Variants in CTNNA3 observed in about 807,000 individuals in gnomAD.
CTNNA3 encodes catenin alpha-3.
Under a neutral mutation model 95.7 loss-of-function variants are expected in CTNNA3, and 76 were observed. The ratio of observed to expected loss-of-function variants is 0.79; its 90% CI spans 0.66 to 0.96. The LOEUF (loss-of-function observed/expected upper bound fraction) is 0.96. Among genes scored for constraint, CTNNA3 ranks in the 40% least tolerant of loss-of-function variants. The pLI is 0.00. For missense variants in CTNNA3, 1,191 were observed against 1,089.8 expected, an observed-to-expected ratio of 1.09 and a Z score of -1.31; for synonymous variants, 431 against 374.4, an observed-to-expected ratio of 1.15 and a Z score of -1.74.
chr10:66,139,801 C>T (rs1204103082), intron 13 of CTNNA3, among the ~76,000 whole-genome samples: 1 of 152,096 alleles, frequency 6.6e-6, no homozygotes, highest in Admixed American at 6.6e-5. Context: ...ACATAGAAAT[C>T]CAGCCTCAGT....
chr10:66,658,751 T>C (rs1846154248), intron 9 of CTNNA3, among the ~76,000 whole-genome samples: 1 of 152,300 alleles, frequency 6.6e-6, no homozygotes, highest in South Asian at 2.1e-4. Context: ...TGGAGTGCAG[T>C]GGCCTGATCT....
intron 12 of CTNNA3, among the ~76,000 whole-genome samples, chr10:66,325,126 C>T (rs1037272415): frequency 1.3e-5 from 2 of 151,826 alleles, no homozygotes; most frequent in Non-Finnish European, 2.9e-5. Context: ...CAAAAGCAAA[C>T]ATTAAAATAA....
chr10:67,345,306 G>A (rs1308908824), intron 5 of CTNNA3, among the ~76,000 whole-genome samples: 1 of 152,064 alleles, frequency 6.6e-6, no homozygotes, highest in Admixed American at 6.6e-5. Context: ...GAAAGAATGT[G>A]TATTCATTGG....
At chr10:67,530,454 G>A (rs1840292627) in intron 4 of CTNNA3, among the ~76,000 whole-genome samples, 1 of 152,220 alleles carries the variant, frequency 6.6e-6, no homozygotes, top group Non-Finnish European at 1.5e-5. Flanking sequence ...TTTTAGCAAA[G>A]AGATTGGTGG....
chr10:66,234,355 C>G (rs537293593), intron 13 of CTNNA3, among the ~76,000 whole-genome samples: 1 of 152,262 alleles, frequency 6.6e-6, no homozygotes, highest in African/African-American at 2.4e-5. Context: ...GACTCCTGTG[C>G]TCCTTAGAGT....
Position 66,927,536 on chromosome 10 carries a change from T to G in CTNNA3, c.1048-152012A>C. The stretch of plus-strand genomic sequence containing the variant: ...AATGTCTTTGCTGGCATGATCAGAC[T>G]CAAAGAACTTCACCTGGAGCACAAT... On this transcript the variant is annotated intron_variant, in intron 7 of 17. Coordinates refer to ENST00000433211, the MANE Select transcript of CTNNA3 (RefSeq NM_013266.4). This position sits in a 1 kb window ranked among gnomAD's most constrained non-coding sequence, Gnocchi z 4.7. The G allele has an allele frequency of 6.2e-7, 1 of 1,614,166 alleles. No homozygotes were observed.
intron 13 of CTNNA3, among the ~76,000 whole-genome samples, chr10:66,223,862 GT>G (rs138734267): frequency 0.12 from 17,508 of 152,006 alleles, 1,077 homozygotes; most frequent in Middle Eastern, 0.18. Flanking sequence ...TCACAATGTG[GT>G]TGGGCATCAT....
At chr10:66,814,126 T>A (rs1378189417) in intron 7 of CTNNA3, among the ~76,000 whole-genome samples, 1 of 151,910 alleles carries the variant, frequency 6.6e-6, no homozygotes, top group East Asian at 1.9e-4. Flanking sequence ...TTGAGGCAAC[T>A]GGATATATGG....
At chr10:66,593,552 G>C (rs1418125881) in intron 10 of CTNNA3, among the ~76,000 whole-genome samples, 3 of 152,002 alleles carry the variant, frequency 2.0e-5, no homozygotes, top group African/African-American at 7.3e-5. Context: ...CTGGTCTGGG[G>C]ACCACACTTT....
chr10:66,688,804 A>T lies in CTNNA3; in HGVS notation c.1282-67020T>A, dbSNP rs543543378. Among the ~76,000 whole-genome samples, 10 of 146,994 alleles carry T rather than the reference A, an allele frequency of 6.8e-5. No homozygotes were observed. The South Asian group carries it at 2.2e-3, about 32-fold the overall frequency. ...GGCTAACGTGGTGAAACCCGTCTCT[A>T]CTAAAAAATACAAAAAAAAATTAGC... On this transcript the variant is annotated intron_variant, in intron 9 of 17. Transcript: ENST00000433211.
At chr10:66,083,782 C>T (rs1018524105) in intron 14 of CTNNA3, among the ~76,000 whole-genome samples, 9 of 152,012 alleles carry the variant, frequency 5.9e-5, no homozygotes, top group African/African-American at 2.2e-4. Context: ...CTACAGAGGC[C>T]AGGGTTTTCT....
At chr10:66,664,183 G>A (rs1846361516) in intron 9 of CTNNA3, among the ~76,000 whole-genome samples, 1 of 152,002 alleles carries the variant, frequency 6.6e-6, no homozygotes, top group African/African-American at 2.4e-5. Context: ...ATACTTATCA[G>A]AAGTTTAATC....
chr10:66,115,353 A>G (rs927469960), intron 13 of CTNNA3, among the ~76,000 whole-genome samples: 12 of 152,102 alleles, frequency 7.9e-5, no homozygotes, highest in African/African-American at 2.7e-4. Flanking sequence ...CCTGTTTTGT[A>G]TGGTCTTTTT....
intron 9 of CTNNA3, among the ~76,000 whole-genome samples, chr10:66,738,468 G>T (rs571606559): frequency 6.6e-6 from 1 of 152,158 alleles, no homozygotes; most frequent in African/African-American, 2.4e-5. Flanking sequence ...AATCTCTTCT[G>T]TAGTGAATTT....
intron 5 of CTNNA3, among the ~76,000 whole-genome samples, chr10:67,267,912 T>C (rs1866894797): frequency 6.6e-6 from 1 of 152,076 alleles, no homozygotes; most frequent in Non-Finnish European, 1.5e-5. Context: ...AAATACTGAG[T>C]TAAATATCAG....
intron 1 of CTNNA3, among the ~76,000 whole-genome samples, chr10:67,683,592 T>C (rs1840669032): frequency 6.6e-6 from 1 of 152,254 alleles, no homozygotes; most frequent in Non-Finnish European, 1.5e-5. Context: ...ACCCAGTTAA[T>C]TGTATACCTT....
chr10:67,691,603 A>C (rs1400616949), intron 1 of CTNNA3, among the ~76,000 whole-genome samples: 6 of 133,750 alleles, frequency 4.5e-5, no homozygotes, highest in East Asian at 2.2e-4. Flanking sequence ...AAGTGAGGAG[A>C]CCCTCTGCCT....
At chr10:67,213,858 G>A (rs886100751) in intron 6 of CTNNA3, among the ~76,000 whole-genome samples, 9 of 151,612 alleles carry the variant, frequency 5.9e-5, no homozygotes, top group East Asian at 3.9e-4. Context: ...ATGTGTCCTC[G>A]AAAAGAATGT....
chr10:66,620,951 C>T (rs898155297), intron 10 of CTNNA3, among the ~76,000 whole-genome samples: 2 of 152,052 alleles, frequency 1.3e-5, no homozygotes, highest in Admixed American at 1.3e-4. Flanking sequence ...CGTATTATAT[C>T]CTGCTTCTTC....
Sources: allele counts gnomAD v4.1 joint callset (sites outside exome capture counted in the v4.1 genomes callset), GRCh38; gene constraint gnomAD v4.1.1; non-coding constraint Gnocchi (gnomAD v3.1); transcripts MANE v1.5; gene names NCBI Gene and HGNC (gene_info 2026-07-23, HGNC 2026-07-21).